The following NAV2 variants were observed in gnomAD, a reference collection of about 807,000 sequenced individuals.
NAV2 encodes helicase, APC down-regulated 1.
Under a neutral mutation model 223.2 loss-of-function variants are expected in NAV2, and 54 were observed. That is an observed-to-expected ratio of 0.24 (90% CI 0.19 to 0.30). The LOEUF (loss-of-function observed/expected upper bound fraction) is 0.30, where lower values mean the gene tolerates loss of function less well. Ranked by LOEUF, NAV2 falls within the 10% of genes least tolerant of loss-of-function variation. The pLI is 1.00. For synonymous variants in NAV2, 1,279 were observed against 1,239.3 expected, an observed-to-expected ratio of 1.03 and a Z score of -0.67; for missense variants, 2,806 against 3,147.5, an observed-to-expected ratio of 0.89 and a Z score of 2.60.
chr11:19,729,604 C>A (rs1363427922), intron 1 of NAV2, among the ~76,000 whole-genome samples: 1 of 152,156 alleles, frequency 6.6e-6, no homozygotes, highest in Non-Finnish European at 1.5e-5. Flanking sequence ...AAGCAGCCTG[C>A]AGTGGTAGAC....
rs538833346 is a variant in NAV2, at chr11:19,805,806, A to G, written c.268-26678A>G. ...CATCCCCGCAACATCCTTCCAAACC[A>G]GAGCATTCACATCTCCATTTCACAG... is the stretch of plus-strand genomic sequence containing the variant. On this transcript the variant is annotated intron_variant, in intron 1 of 37. Transcript: ENST00000349880. Among the ~76,000 whole-genome samples the G allele has an allele frequency of 1.2e-4, 18 of 152,322 alleles. No individual in the cohort carries two copies. In the South Asian group the frequency reaches 3.5e-3, roughly 30 times the overall value.
intron 1 of NAV2, among the ~76,000 whole-genome samples, chr11:19,785,972 A>G (rs1391988964): frequency 6.6e-6 from 1 of 152,140 alleles, no homozygotes; most frequent in Non-Finnish European, 1.5e-5. Context: ...GGATGACTGC[A>G]CACCTACCTT....
chr11:19,636,991 C>G (rs1452998322), intron 1 of NAV2, among the ~76,000 whole-genome samples: 3 of 152,226 alleles, frequency 2.0e-5, no homozygotes, highest in Admixed American at 2.0e-4. Context: ...TCCAGCGTAG[C>G]TCAGCAGTTC....
chr11:19,790,149 A>T (rs2057418221), intron 1 of NAV2, among the ~76,000 whole-genome samples: 1 of 152,074 alleles, frequency 6.6e-6, no homozygotes, highest in South Asian at 2.1e-4. Flanking sequence ...CCCTTCCATT[A>T]GACGTGCTTT....
rs560551849 is a variant in NAV2, at chr11:20,024,474, T to C, written c.2769-11485T>C. Among the ~76,000 whole-genome samples, 4 of 144,578 alleles carry C rather than the reference T, an allele frequency of 2.8e-5. No individual in the cohort carries two copies. In the South Asian group the frequency reaches 8.7e-4, roughly 31 times the overall value. 94.8% of individuals were successfully genotyped at this position (144,578 alleles called of 152,430 possible). A position where few individuals can be genotyped will look rare whatever the true frequency, so the allele number is the denominator to read the frequency against. ...GGTCTGCTTCTTAAGACGCTGAATG[T>C]ATGGAGTCTTGGAGGGAGAAGATCT... On this transcript the variant is annotated intron_variant, in intron 11 of 37. Coordinates refer to ENST00000349880, the MANE Select transcript of NAV2 (RefSeq NM_145117.5).
At chr11:19,483,368 G>A (rs187072184) in intron 1 of NAV2, among the ~76,000 whole-genome samples, 3 of 152,180 alleles carry the variant, frequency 2.0e-5, no homozygotes, top group Non-Finnish European at 2.9e-5. Context: ...TCACTTGGTA[G>A]CTATCTTAGT....
chr11:19,698,811 T>C (rs1457448804), intron 1 of NAV2, among the ~76,000 whole-genome samples: 5 of 150,298 alleles, frequency 3.3e-5, no homozygotes, highest in Non-Finnish European at 7.4e-5. Flanking sequence ...CGTGTGTGTG[T>C]GCATGTGAGA....
At chr11:19,627,817 G>A (rs2047213476) in intron 1 of NAV2, among the ~76,000 whole-genome samples, 1 of 150,756 alleles carries the variant, frequency 6.6e-6, no homozygotes, top group Non-Finnish European at 1.5e-5. Flanking sequence ...ATTGGCTCCA[G>A]AGACAGGAAA....
At chr11:19,791,392 G>A (rs1011380249) in intron 1 of NAV2, among the ~76,000 whole-genome samples, 3 of 152,102 alleles carry the variant, frequency 2.0e-5, no homozygotes, top group Non-Finnish European at 2.9e-5. Flanking sequence ...CTCTGAACAC[G>A]TCAAGCCCGC....
intron 11 of NAV2, among the ~76,000 whole-genome samples, chr11:19,987,669 C>A (rs1447248703): frequency 6.6e-6 from 1 of 152,148 alleles, no homozygotes; most frequent in East Asian, 1.9e-4. Context: ...GAGATAGAGA[C>A]TGTGTCAGTT....
At chr11:19,890,086 G>A (rs2041372354) in intron 5 of NAV2, among the ~76,000 whole-genome samples, 1 of 152,148 alleles carries the variant, frequency 6.6e-6, no homozygotes, top group Admixed American at 6.5e-5. Flanking sequence ...ACGGTGGCTG[G>A]ACATTAAGCC....
intron 1 of NAV2, among the ~76,000 whole-genome samples, chr11:19,604,750 G>A (rs2135275067): frequency 6.6e-6 from 1 of 152,292 alleles, no homozygotes; most frequent in South Asian, 2.1e-4. Flanking sequence ...TTGAATTGTA[G>A]CTCCTGCAAT....
At chr11:20,106,549 G>T (rs2062126593) in intron 35 of NAV2, among the ~76,000 whole-genome samples, 1 of 43,672 alleles carries the variant, frequency 2.3e-5, no homozygotes. Flanking sequence ...AACAGAGTGA[G>T]ACTCCAAAAA....
At chr11:20,068,480 G>A (rs1043534123) in intron 22 of NAV2, 82 bp downstream of exon 22, 4 of 1,007,562 alleles carry the variant, frequency 4.0e-6, no homozygotes, top group Non-Finnish European at 6.3e-6. Context: ...CTCCTGTGCT[G>A]AACAAATAGA....
chr11:20,101,316 G>A (rs1592150979), intron 32 of NAV2, 144 bp downstream of exon 32: 1 of 651,612 alleles, frequency 1.5e-6, no homozygotes, highest in East Asian at 2.8e-5. Context: ...TCCAGAGGGG[G>A]CTAGCAGAAA....
At chr11:19,530,998 A>T (rs906364173) in intron 1 of NAV2, among the ~76,000 whole-genome samples, 1 of 152,232 alleles carries the variant, frequency 6.6e-6, no homozygotes, top group Non-Finnish European at 1.5e-5. Context: ...TCATTTACCA[A>T]CTAGTATTTA....
chr11:20,059,886 T>C (rs964746679), intron 19 of NAV2, among the ~76,000 whole-genome samples: 1 of 152,220 alleles, frequency 6.6e-6, no homozygotes, highest in African/African-American at 2.4e-5. Context: ...ATAACCACAT[T>C]GCACAACCTA....
chr11:19,612,277 A>G (rs1201013035), intron 1 of NAV2, among the ~76,000 whole-genome samples: 1 of 152,234 alleles, frequency 6.6e-6, no homozygotes, highest in African/African-American at 2.4e-5. Flanking sequence ...GCCTGCAGTG[A>G]AAGTCTCTGA....
intron 1 of NAV2, among the ~76,000 whole-genome samples, chr11:19,562,466 TG>T (rs1298481697): frequency 6.6e-6 from 1 of 152,192 alleles, no homozygotes; most frequent in Non-Finnish European, 1.5e-5. Context: ...AGACATGGAT[TG>T]GGTCTTCACT....
Sources: allele counts gnomAD v4.1 joint callset (sites outside exome capture counted in the v4.1 genomes callset), GRCh38; gene constraint gnomAD v4.1.1; transcripts MANE v1.5; gene names NCBI Gene and HGNC (gene_info 2026-07-23, HGNC 2026-07-21).